TAOK3: variants seen among roughly 807,000 people sequenced by gnomAD.
TAOK3 encodes TAO kinase 3, also known as serine/threonine-protein kinase TAO3.
In TAOK3, 40 loss-of-function variants were observed where a neutral mutation model predicts 120.4. That is an observed-to-expected ratio of 0.33 (90% CI 0.26 to 0.43). TAOK3 has a LOEUF of 0.43. Ranked by LOEUF, TAOK3 falls within the 20% of genes least tolerant of loss-of-function variation. The pLI, the probability that TAOK3 is intolerant of heterozygous loss-of-function variation, is 1.00. For synonymous variants in TAOK3, 355 were observed against 387.5 expected (o/e 0.92, Z 0.99); for missense variants, 821 against 1,112.1 (o/e 0.74, Z 3.72).
chr12:118,185,823 T>C (rs983248462), intron 14 of TAOK3, among the ~76,000 whole-genome samples: 3 of 152,216 alleles, frequency 2.0e-5, no homozygotes, highest in African/African-American at 4.8e-5. Context: ...TTTGACCATA[T>C]GGGTTGGGCA....
At chr12:118,250,063 T>C (rs1332040745) in intron 3 of TAOK3, among the ~76,000 whole-genome samples, 1 of 152,150 alleles carries the variant, frequency 6.6e-6, no homozygotes, top group Non-Finnish European at 1.5e-5. Context: ...CTTTTTTTGT[T>C]TGTTTTCCTT....
intron 1 of TAOK3, among the ~76,000 whole-genome samples, chr12:118,301,560 C>T (rs1000570311): frequency 6.6e-6 from 1 of 151,940 alleles, no homozygotes; most frequent in Non-Finnish European, 1.5e-5. Context: ...AATATTCAAA[C>T]CTCAGCTGGG....
chr12:118,171,647 A>G (rs2138652383), intron 17 of TAOK3, among the ~76,000 whole-genome samples: 1 of 152,246 alleles, frequency 6.6e-6, no homozygotes, highest in East Asian at 1.9e-4. Flanking sequence ...ATGAGCCACC[A>G]TGCCTGGCTG....
rs750727428 is a variant in TAOK3, at chr12:118,372,871, G to GGCC, written c.-420_-418dup. The GGCC allele has an allele frequency of 2.9e-3, 440 of 154,248 alleles. 2 individuals are homozygous for GGCC. Among genetic ancestry groups the GGCC allele is most frequent in the Admixed American group, 5.8e-3 (89 of 15,304 alleles). 9.6% of individuals were successfully genotyped at this position (154,248 alleles called of 1,614,324 possible). A position where few individuals can be genotyped will look rare whatever the true frequency, so the allele number is the denominator to read the frequency against. On this transcript the variant is annotated 5_prime_UTR_variant, in exon 1 of 21. Transcript: ENST00000392533. The surrounding 1 kb of genome is among the most constrained non-coding windows in gnomAD (Gnocchi z 4.6). ...CCCGGCGCCACAAGGACCCTCCCGC[G>GGCC]GCCGCCGCCGCTGCTGCTGTCCGAG...
chr12:118,237,444 G>T (rs1239843240), intron 7 of TAOK3, among the ~76,000 whole-genome samples: 2 of 152,118 alleles, frequency 1.3e-5, no homozygotes, highest in Admixed American at 6.6e-5. Flanking sequence ...GTTGCAGGGA[G>T]GAGAGTGTGG....
chr12:118,324,297 T>G (rs551191770), intron 1 of TAOK3, among the ~76,000 whole-genome samples: 65 of 152,336 alleles, frequency 4.3e-4, no homozygotes, highest in African/African-American at 1.5e-3. Context: ...GTCTTTTTCA[T>G]TGTAAGACTT....
At chr12:118,213,730 G>A (rs2038742757) in intron 10 of TAOK3, among the ~76,000 whole-genome samples, 1 of 152,084 alleles carries the variant, frequency 6.6e-6, no homozygotes, top group African/African-American at 2.4e-5. Flanking sequence ...CATGACCTGG[G>A]ACAATAGACT....
chr12:118,209,839 AAGC>A (rs1347682615), intron 11 of TAOK3, among the ~76,000 whole-genome samples: 1 of 151,374 alleles, frequency 6.6e-6, no homozygotes, highest in Non-Finnish European at 1.5e-5. Flanking sequence ...TGAGCCTCCG[AAGC>A]AGCTGGGACT....
chr12:118,205,078 G>A (rs1463982240), intron 11 of TAOK3, among the ~76,000 whole-genome samples: 1 of 152,134 alleles, frequency 6.6e-6, no homozygotes, highest in Non-Finnish European at 1.5e-5. Flanking sequence ...GCTGAGGCAG[G>A]AGAATTGCTT....
chr12:118,246,773 T>C, intron 3 of TAOK3: 2 of 1,509,836 alleles, frequency 1.3e-6, no homozygotes, highest in Non-Finnish European at 9.1e-7. Context: ...GGGGCTGCAC[T>C]GCCACCCTGG....
At chr12:118,212,836 G>T in intron 11 of TAOK3, 78 bp downstream of exon 11, 1 of 1,000,782 alleles carries the variant, frequency 1.0e-6, no homozygotes, top group Non-Finnish European at 1.5e-6. Flanking sequence ...ATGATGAGCT[G>T]CCACAGGAAT....
intron 11 of TAOK3, among the ~76,000 whole-genome samples, chr12:118,209,470 T>A (rs1272169115): frequency 6.6e-6 from 1 of 152,140 alleles, no homozygotes; most frequent in Non-Finnish European, 1.5e-5. Context: ...GGGCACAATC[T>A]CGGCTCACTG....
rs141835085 is a variant in TAOK3, at chr12:118,289,224, A to G, written c.-193-22465T>C. Among the ~76,000 whole-genome samples, 182 of 144,176 alleles carry G rather than the reference A, an allele frequency of 1.3e-3. 1 individual carries two copies. Among genetic ancestry groups the G allele is most frequent in the African/African-American group, 4.5e-3 (175 of 38,742 alleles). 94.6% of individuals were successfully genotyped at this position (144,176 alleles called of 152,430 possible). On this transcript the variant is annotated intron_variant, in intron 1 of 20. Transcript: ENST00000392533. ...GCTGAGGCAGGAAAATCTTGAACCC[A>G]GGAGGTTGAGGCTGCAGTGATCTGA...
At chr12:118,152,500 T>G in intron 19 of TAOK3, 91 bp from the exon 20 acceptor site, 1 of 1,333,270 alleles carries the variant, frequency 7.5e-7, no homozygotes, top group South Asian at 1.4e-5. Context: ...AGAGGTTTCC[T>G]CATTTGGATT....
At chr12:118,219,574 T>C (rs1299906673) in intron 9 of TAOK3, among the ~76,000 whole-genome samples, 1 of 152,096 alleles carries the variant, frequency 6.6e-6, no homozygotes. Flanking sequence ...TATTTTTTGC[T>C]TTCTTCCACA....
intron 3 of TAOK3, chr12:118,246,461 G>T: frequency 6.6e-7 from 1 of 1,509,834 alleles, no homozygotes; most frequent in Non-Finnish European, 9.0e-7. Flanking sequence ...GGTTCAAGGC[G>T]TTTGTTGCTA....
intron 4 of TAOK3, 135 bp downstream of exon 4, chr12:118,244,759 A>T: frequency 3.5e-6 from 2 of 575,090 alleles, no homozygotes. Context: ...CAATCTCCCG[A>T]CCTCGTGAGC....
At chr12:118,361,908 T>TAATAAA (rs1593703288) in intron 1 of TAOK3, among the ~76,000 whole-genome samples, 2 of 129,044 alleles carry the variant, frequency 1.5e-5, no homozygotes, top group East Asian at 4.8e-4. Flanking sequence ...GTCAAACTAT[T>TAATAAA]AATAAAAATA....
intron 1 of TAOK3, among the ~76,000 whole-genome samples, chr12:118,318,170 T>C (rs2043550237): frequency 6.6e-6 from 1 of 151,668 alleles, no homozygotes; most frequent in Non-Finnish European, 1.5e-5. Context: ...TTTTTTTTTT[T>C]TTTTTTTAGA....
Sources: allele counts gnomAD v4.1 joint callset (sites outside exome capture counted in the v4.1 genomes callset), GRCh38; gene constraint gnomAD v4.1.1; non-coding constraint Gnocchi (gnomAD v3.1); transcripts MANE v1.5; gene names NCBI Gene and HGNC (gene_info 2026-07-23, HGNC 2026-07-21).